PRKCB: variants seen among roughly 807,000 people sequenced by gnomAD.
PRKCB encodes the protein protein kinase C beta.
In PRKCB, 13 loss-of-function variants were observed where a neutral mutation model predicts 81.5. That is an observed-to-expected ratio of 0.16 (90% CI 0.10 to 0.25). PRKCB has a LOEUF of 0.25. Among genes scored for constraint, PRKCB ranks in the 10% least tolerant of loss-of-function variants. The pLI, the probability that PRKCB is intolerant of heterozygous loss-of-function variation, is 1.00. For synonymous variants in PRKCB, 335 were observed against 321.4 expected (o/e 1.04, Z -0.45); for missense variants, 509 against 875.7 (o/e 0.58, Z 5.29).
intron 2 of PRKCB, among the ~76,000 whole-genome samples, chr16:23,916,037 A>G (rs780107694): frequency 6.6e-6 from 1 of 151,964 alleles, no homozygotes; most frequent in Admixed American, 6.6e-5. Flanking sequence ...ATAGATCTGC[A>G]GTATCTTTTC....
chr16:24,137,690 A>G (rs1222244962), intron 9 of PRKCB, among the ~76,000 whole-genome samples: 1 of 152,190 alleles, frequency 6.6e-6, no homozygotes, highest in East Asian at 1.9e-4. Flanking sequence ...ATCTCTATGT[A>G]TTATTTCAGA....
At chr16:24,130,605 T>G (rs1277914477) in intron 9 of PRKCB, among the ~76,000 whole-genome samples, 3 of 152,164 alleles carry the variant, frequency 2.0e-5, no homozygotes, top group African/African-American at 7.2e-5. Flanking sequence ...AAATTTTCAT[T>G]AAACTTCTAA....
intron 2 of PRKCB, among the ~76,000 whole-genome samples, chr16:23,863,841 CTT>C (rs937718510): frequency 2.0e-5 from 3 of 152,126 alleles, no homozygotes; most frequent in Non-Finnish European, 4.4e-5. Context: ...ATTTGGTAAT[CTT>C]TTTACCAAAG....
At chr16:24,032,345 C>G (rs1207585426) in intron 4 of PRKCB, 98 bp downstream of exon 4, 1 of 766,750 alleles carries the variant, frequency 1.3e-6, no homozygotes, top group Non-Finnish European at 2.1e-6. Context: ...CATACATTCC[C>G]CCCTGTCCTC....
chr16:24,077,761 G>A (rs1414206296), intron 5 of PRKCB, among the ~76,000 whole-genome samples: 2 of 152,208 alleles, frequency 1.3e-5, no homozygotes, highest in Non-Finnish European at 1.5e-5. Context: ...GGAGAAACAG[G>A]AAACTTGTCT....
intron 2 of PRKCB, among the ~76,000 whole-genome samples, chr16:23,935,503 C>T (rs1018185067): frequency 9.2e-5 from 14 of 152,100 alleles, no homozygotes; most frequent in Non-Finnish European, 1.8e-4. Context: ...ATACAATTAA[C>T]GTTAAATCAC....
intron 2 of PRKCB, among the ~76,000 whole-genome samples, chr16:23,949,488 G>T (rs1008957883): frequency 2.6e-5 from 4 of 152,112 alleles, no homozygotes; most frequent in African/African-American, 9.7e-5. Flanking sequence ...ACTTTCCTGG[G>T]GGTCCAACTT....
chr16:24,160,190 GTTTT>G (rs11305626), intron 10 of PRKCB, among the ~76,000 whole-genome samples: 3,910 of 115,266 alleles, frequency 0.034, 199 homozygotes, highest in African/African-American at 0.11. Flanking sequence ...CCCTTTGGGT[GTTTT>G]TTTTTTTTTT....
In PRKCB at chr16:24,164,763, C is replaced by G. The variant is rs544936534; in HGVS notation, c.1240-7507C>G. 3.3e-5 allele frequency among the ~76,000 whole-genome samples: 5 copies of G among 152,302 alleles called. No individual in the cohort carries two copies. In the South Asian group the frequency reaches 1.0e-3, roughly 32 times the overall value. On this transcript the variant is annotated intron_variant, in intron 10 of 16. Transcript: ENST00000643927. ...GTAAGTAGGAGAGAGCCAATCTGGA[C>G]TTCAAGTCGATACGCAAGAAATACT...
At chr16:24,037,858 G>GT (rs943835856) in intron 5 of PRKCB, among the ~76,000 whole-genome samples, 2 of 132,110 alleles carry the variant, frequency 1.5e-5, no homozygotes, top group African/African-American at 5.6e-5. Context: ...AAGACAAGAC[G>GT]TTTAAAAAAA....
At chr16:24,204,949 G>A (rs550563119) in intron 16 of PRKCB, among the ~76,000 whole-genome samples, 4 of 151,808 alleles carry the variant, frequency 2.6e-5, no homozygotes, top group South Asian at 2.1e-4. Context: ...GTGAAACCCC[G>A]TCTCTACTAA....
At chr16:23,839,917 G>A (rs1209656950) in intron 2 of PRKCB, among the ~76,000 whole-genome samples, 3 of 152,188 alleles carry the variant, frequency 2.0e-5, no homozygotes, top group Non-Finnish European at 2.9e-5. Flanking sequence ...CACGAGAGAA[G>A]ACTGGCTCTG....
chr16:24,032,287 G>A, intron 4 of PRKCB, 40 bp downstream of exon 4: 1 of 1,408,238 alleles, frequency 7.1e-7, no homozygotes. Context: ...GCTGATGGCA[G>A]AAGCAATGGG....
At chr16:24,071,524 T>C (rs1966108188) in intron 5 of PRKCB, among the ~76,000 whole-genome samples, 1 of 151,192 alleles carries the variant, frequency 6.6e-6, no homozygotes, top group Non-Finnish European at 1.5e-5. Flanking sequence ...TTTCCACCAA[T>C]TTTAATGTGG....
intron 2 of PRKCB, among the ~76,000 whole-genome samples, chr16:23,870,695 A>G (rs1387110074): frequency 1.3e-5 from 2 of 152,224 alleles, no homozygotes; most frequent in Non-Finnish European, 2.9e-5. Flanking sequence ...GGACCCTGGC[A>G]GGGCTGTCAG....
intron 2 of PRKCB, among the ~76,000 whole-genome samples, chr16:23,846,848 A>T (rs1335056444): frequency 6.6e-6 from 1 of 152,066 alleles, no homozygotes; most frequent in South Asian, 2.1e-4. Context: ...CAAGGACAGG[A>T]TCTGGTAGAG....
intron 9 of PRKCB, among the ~76,000 whole-genome samples, chr16:24,143,556 G>C (rs1047408629): frequency 6.6e-6 from 1 of 152,080 alleles, no homozygotes; most frequent in Non-Finnish European, 1.5e-5. Context: ...TAGGGAGGGA[G>C]GGGCATGGGA....
chr16:24,131,594 T>C (rs976123799), intron 9 of PRKCB, among the ~76,000 whole-genome samples: 1 of 152,254 alleles, frequency 6.6e-6, no homozygotes, highest in Non-Finnish European at 1.5e-5. Context: ...GCCTCCTTTA[T>C]TCGATCATAT....
intron 2 of PRKCB, among the ~76,000 whole-genome samples, chr16:23,880,678 AT>A (rs1398960344): frequency 6.7e-6 from 1 of 149,030 alleles, no homozygotes; most frequent in Non-Finnish European, 1.5e-5. Context: ...CCTTCTGAAT[AT>A]TTTTTCCTGC....
Sources: gnomAD v4.1 joint callset for allele counts (sites outside exome capture counted in the v4.1 genomes callset) on GRCh38, gnomAD v4.1.1 for gene constraint, MANE v1.5 for transcripts, NCBI Gene and HGNC (gene_info 2026-07-23, HGNC 2026-07-21) for gene names.